The following PCDHGA2 variants were observed in gnomAD, a reference collection of about 807,000 sequenced individuals.
The protein encoded by PCDHGA2 is protocadherin gamma-A2.
Under a neutral mutation model 59.2 loss-of-function variants are expected in PCDHGA2, and 40 were observed. That is an observed-to-expected ratio of 0.68 (90% CI 0.52 to 0.88). PCDHGA2 has a LOEUF of 0.88. Ranked by LOEUF, PCDHGA2 falls within the 40% of genes least tolerant of loss-of-function variation. The pLI is 0.00. For missense variants in PCDHGA2, 1,226 were observed against 1,204.0 expected, an observed-to-expected ratio of 1.02 and a Z score of -0.27; for synonymous variants, 560 against 526.0, an observed-to-expected ratio of 1.06 and a Z score of -0.89.
rs367576240 is a variant in PCDHGA2, at chr5:141,350,687, G to T, written c.2424+9292G>T. On this transcript the variant is annotated intron_variant, in intron 1 of 3. Transcript: ENST00000394576. ...CATTGACTTAGAAATTTGTGAGTCA[G>T]CCTTACCCGGGGTAAAATTCTCTCT... 1.1e-4 allele frequency: 172 copies of T among 1,613,894 alleles called. No individual in the cohort carries two copies. The highest frequency in any genetic ancestry group is 1.4e-4 in the Non-Finnish European group (167 of 1,179,912).
rs1271891195 is a variant in PCDHGA2, at chr5:141,477,108, C to A, written c.2425-17699C>A. The A allele has an allele frequency of 2.5e-6, 4 of 1,614,232 alleles. No individual in the cohort carries two copies. Among genetic ancestry groups the A allele is most frequent in the Non-Finnish European group, 2.5e-6 (3 of 1,180,046 alleles). ...CAGGCCAAAGACAAGGGCGCCAATCCCGAAGGAGCACATTGCAAAGTGTTG... is the reference window on the plus strand; with the variant it reads ...CAGGCCAAAGACAAGGGCGCCAATCACGAAGGAGCACATTGCAAAGTGTTG... On this transcript the variant is annotated intron_variant, in intron 1 of 3. Coordinates refer to ENST00000394576, the MANE Select transcript of PCDHGA2 (RefSeq NM_018915.4). The surrounding 1 kb of genome is among the most constrained non-coding windows in gnomAD (Gnocchi z 4.9).
rs748486683 is a variant in PCDHGA2, at chr5:141,374,702, G to A, written c.2424+33307G>A. 8 of 1,609,096 alleles carry A rather than the reference G, an allele frequency of 5.0e-6. No homozygotes were observed. In the Admixed American group the frequency reaches 5.1e-5, roughly 10 times the overall value. ...CACACTGGACCGGGAAGGAGAAGCCGTTTACCGCCTGGTCCTTACTGCCAT... is the reference window on the plus strand; with the variant it reads ...CACACTGGACCGGGAAGGAGAAGCCATTTACCGCCTGGTCCTTACTGCCAT... On this transcript the variant is annotated intron_variant, in intron 1 of 3. Transcript: ENST00000394576.
In PCDHGA2 at chr5:141,389,412, G is replaced by A. The variant is rs1039259671; in HGVS notation, c.2424+48017G>A. 5 of 1,613,588 alleles carry A rather than the reference G, an allele frequency of 3.1e-6. No individual in the cohort carries two copies. Among genetic ancestry groups the A allele is most frequent in the Admixed American group, 3.3e-5 (2 of 60,038 alleles). On this transcript the variant is annotated intron_variant, in intron 1 of 3. Transcript: ENST00000394576. ...CTACGTGTCCATAAGCGCGGAGAGC[G>A]GGGTGGTGTTCGCGCAGCGCGCCTT...
Position 141,425,378 on chromosome 5 carries a change from C to T in PCDHGA2, c.2425-69429C>T, listed in dbSNP as rs372445707. Among the ~76,000 whole-genome samples the T allele has an allele frequency of 1.6e-4, 25 of 152,174 alleles. 1 individual carries two copies. The highest frequency in any genetic ancestry group is 3.9e-4 in the African/African-American group (16 of 41,522). On this transcript the variant is annotated intron_variant, in intron 1 of 3. Transcript: ENST00000394576. ...TGATATTAAGAGGGTTATGTTGATTCGGAGGTAGTGATAAAGTTCTGTTAA... is the reference window on the plus strand; with the variant it reads ...TGATATTAAGAGGGTTATGTTGATTTGGAGGTAGTGATAAAGTTCTGTTAA...
chr5:141,414,290 T>G (rs781378958), intron 1 of PCDHGA2: 5 of 1,613,154 alleles, frequency 3.1e-6, no homozygotes, highest in Non-Finnish European at 4.2e-6. Context: ...GTCGTAGCCC[T>G]TTTAAATGTG....
intron 1 of PCDHGA2, chr5:141,421,399 C>T (rs777999539): frequency 1.2e-6 from 2 of 1,613,928 alleles, no homozygotes; most frequent in East Asian, 2.2e-5. Flanking sequence ...GCTGGAGCCC[C>T]GGGAGCTGGC....
At chr5:141,409,919 G>A in intron 1 of PCDHGA2, 1 of 1,613,346 alleles carries the variant, frequency 6.2e-7, no homozygotes, top group Non-Finnish European at 8.5e-7. Flanking sequence ...TGACGGCTCC[G>A]CGTTCTTCGA....
At chr5:141,343,798 A>G (rs1236128461) in intron 1 of PCDHGA2, 1 of 451,466 alleles carries the variant, frequency 2.2e-6, no homozygotes. Flanking sequence ...TTGACCACTC[A>G]AGAAGGAGAA....
chr5:141,423,026 G>T (rs1333695085), intron 1 of PCDHGA2: 1 of 1,614,210 alleles, frequency 6.2e-7, no homozygotes, highest in Admixed American at 1.7e-5. Context: ...AAAGATTCAG[G>T]CCAGAACGCC....
At chr5:141,372,077 G>A (rs533920380) in intron 1 of PCDHGA2, 223 of 1,613,592 alleles carry the variant, frequency 1.4e-4, no homozygotes, top group Non-Finnish European at 1.8e-4. Context: ...ATGCACCGCT[G>A]GTGCTGTACC....
chr5:141,346,255 T>A, intron 1 of PCDHGA2: 24 of 1,614,188 alleles, frequency 1.5e-5, no homozygotes, highest in Non-Finnish European at 1.9e-5. Context: ...TCGCACTTTG[T>A]GGGCGCGGAC....
chr5:141,383,655 C>T, intron 1 of PCDHGA2: 1 of 1,613,986 alleles, frequency 6.2e-7, no homozygotes, highest in East Asian at 2.2e-5. Context: ...TAACTGTCCC[C>T]GAGAATGTGC....
In PCDHGA2 at chr5:141,485,313, A is replaced by G. The variant is rs758628263; in HGVS notation, c.2425-9494A>G. On this transcript the variant is annotated intron_variant, in intron 1 of 3. Transcript: ENST00000394576. The surrounding 1 kb of genome is among the most constrained non-coding windows in gnomAD (Gnocchi z 5.7). Reference sequence around the variant, plus strand: ...TCACAGGAAGGGACTTTTGTAGGGAATGTCGCTCAAGATTTCCTGCTGGAT... The same window carrying G: ...TCACAGGAAGGGACTTTTGTAGGGAGTGTCGCTCAAGATTTCCTGCTGGAT... 1.2e-6 allele frequency: 2 copies of G among 1,614,186 alleles called. No individual in the cohort carries two copies. Among genetic ancestry groups the G allele is most frequent in the African/African-American group, 1.3e-5 (1 of 75,054 alleles).
At chr5:141,385,042 A>C (rs1308417984) in intron 1 of PCDHGA2, 1 of 1,614,150 alleles carries the variant, frequency 6.2e-7, no homozygotes, top group Non-Finnish European at 8.5e-7. Flanking sequence ...GCTGGCGCTC[A>C]GGCTGCGGCG....
chr5:141,473,431 G>A (rs541546681), intron 1 of PCDHGA2, among the ~76,000 whole-genome samples: 10 of 152,266 alleles, frequency 6.6e-5, no homozygotes, highest in Non-Finnish European at 1.3e-4. Flanking sequence ...CAGATACTTT[G>A]CTTATGCAAA....
At chr5:141,460,459 T>A (rs2098989808) in intron 1 of PCDHGA2, among the ~76,000 whole-genome samples, 1 of 152,176 alleles carries the variant, frequency 6.6e-6, no homozygotes, top group South Asian at 2.1e-4. Flanking sequence ...ATTCATATTT[T>A]TTTCCAAAGG....
intron 1 of PCDHGA2, chr5:141,376,336 G>A (rs1433665161): frequency 1.2e-6 from 2 of 1,614,080 alleles, no homozygotes; most frequent in African/African-American, 2.7e-5. Flanking sequence ...CTTTCCTGCA[G>A]ACCTATTCCC....
intron 1 of PCDHGA2, among the ~76,000 whole-genome samples, chr5:141,347,659 C>T (rs150357114): frequency 2.0e-4 from 31 of 151,854 alleles, no homozygotes; most frequent in East Asian, 1.6e-3. Flanking sequence ...TGGTGGTGGG[C>T]GCCTGTAATC....
Position 141,491,737 on chromosome 5 carries a change from G to C in PCDHGA2, c.2425-3070G>C, listed in dbSNP as rs548808722. 1.2e-6 allele frequency: 2 copies of C among 1,600,586 alleles called. No homozygotes were observed. The highest frequency in any genetic ancestry group is 2.7e-5 in the African/African-American group (2 of 74,486). On this transcript the variant is annotated intron_variant, in intron 1 of 3. Transcript: ENST00000394576. The surrounding 1 kb of genome is among the most constrained non-coding windows in gnomAD (Gnocchi z 6.9). ...GGCGCCGCCCCGGGCGACCCCTGGG[G>C]GCGGCACTGGAGAAGCCGCCCGTCC...
Sources: gnomAD v4.1 joint callset for allele counts (sites outside exome capture counted in the v4.1 genomes callset) on GRCh38, gnomAD v4.1.1 for gene constraint, Gnocchi (gnomAD v3.1) non-coding constraint, MANE v1.5 for transcripts, NCBI Gene and HGNC (gene_info 2026-07-23, HGNC 2026-07-21) for gene names.